The following BORA variants were observed in gnomAD, a reference collection of about 807,000 sequenced individuals.
The protein encoded by BORA is BORA aurora kinase A activator.
BORA carries 26 observed loss-of-function variants against 55.8 expected under a neutral mutation model. The observed-to-expected ratio is 0.47, with a 90% confidence interval of 0.34 to 0.65. The LOEUF (loss-of-function observed/expected upper bound fraction) is 0.65. Among genes scored for constraint, BORA ranks in the 30% least tolerant of loss-of-function variants. BORA has a pLI of 0.01. For synonymous variants in BORA, 201 were observed against 216.9 expected, an observed-to-expected ratio of 0.93 and a Z score of 0.64; for missense variants, 568 against 671.5, an observed-to-expected ratio of 0.85 and a Z score of 1.70.
Position 72,738,137 on chromosome 13 carries a change from A to G in BORA, c.388+94A>G, listed in dbSNP as rs145646233. On this transcript the variant is annotated intron_variant, in intron 5 of 11. Coordinates refer to ENST00000390667, the MANE Select transcript of BORA (RefSeq NM_024808.5). ...AGTGCCAGTATATCTGCTTTGTAAG[A>G]AGCTTGCTTTAAAATTCTGGATAAC... is the stretch of plus-strand genomic sequence containing the variant. The G allele has an allele frequency of 2.4e-5, 18 of 750,560 alleles. No homozygotes were observed. The African/African-American group carries it at 3.1e-4, about 13-fold the overall frequency. The allele number at this position is 750,560 out of a possible 1,614,324, so 46.5% of individuals were successfully genotyped here.
At chr13:72,745,916 A>G (rs752791168) in intron 8 of BORA, 28 bp from the exon 9 acceptor site, 1 of 1,586,556 alleles carries the variant, frequency 6.3e-7, no homozygotes, top group Non-Finnish European at 8.6e-7. Context: ...AACCATATAC[A>G]TTTATTTACT....
At chr13:72,731,570 G>T (rs1195718240) in intron 3 of BORA, among the ~76,000 whole-genome samples, 183 bp downstream of exon 3, 1 of 152,200 alleles carries the variant, frequency 6.6e-6, no homozygotes, top group Non-Finnish European at 1.5e-5. Flanking sequence ...CTTGCCAACA[G>T]TTCCAGACCT....
rs374760886 is a variant in BORA at position 72,744,493 on chromosome 13, G to T, written c.455-12G>T. The T allele has an allele frequency of 1.4e-4, 227 of 1,606,512 alleles. No homozygotes were observed. Among genetic ancestry groups the T allele is most frequent in the Non-Finnish European group, 1.9e-4 (219 of 1,174,986 alleles). Reference sequence around the variant, plus strand: ...CATGTTTGAATTTGTTTATTTATTTGCTTGTTTCCAGCTGCTTGTCAGACA... The same window carrying T: ...CATGTTTGAATTTGTTTATTTATTTTCTTGTTTCCAGCTGCTTGTCAGACA... On this transcript the variant is annotated splice_polypyrimidine_tract_variant and intron_variant, in intron 6 of 11. Coordinates refer to ENST00000390667, the MANE Select transcript of BORA (RefSeq NM_024808.5).
intron 2 of BORA, among the ~76,000 whole-genome samples, chr13:72,729,992 A>G (rs546895824): frequency 6.6e-6 from 1 of 151,430 alleles, no homozygotes; most frequent in African/African-American, 2.4e-5. Context: ...ATGGGATTTC[A>G]CCATGTTGGC....
intron 2 of BORA, 131 bp downstream of exon 2, chr13:72,729,224 C>A: frequency 1.3e-6 from 1 of 766,660 alleles, no homozygotes; most frequent in Non-Finnish European, 1.9e-6. Flanking sequence ...CTGCAATATA[C>A]TTTTTTAAAT....
chr13:72,742,767 T>TACACACAC (rs67866253), intron 5 of BORA, among the ~76,000 whole-genome samples: 1 of 141,654 alleles, frequency 7.1e-6, no homozygotes, highest in African/African-American at 2.6e-5. Context: ...TATATATATA[T>TACACACAC]ACACACACAC....
At position 72,750,972 on chromosome 13, in the gene BORA, C is replaced by T. The variant is rs113847528; in HGVS notation, c.1483-2718C>T. 7.9e-3 allele frequency among the ~76,000 whole-genome samples: 1,209 copies of T among 152,256 alleles called. 18 individuals carry two copies. Among genetic ancestry groups the T allele is most frequent in the African/African-American group, 0.027 (1,104 of 41,528 alleles). ...GAGGCGCGAGCATGGCATTAAAGAA[C>T]ATGGGCTTGGGAAACCGTAATGGCA... On this transcript the variant is annotated intron_variant, in intron 10 of 11. Transcript: ENST00000390667.
intron 11 of BORA, 96 bp downstream of exon 11, chr13:72,753,917 GA>G: frequency 1.6e-6 from 2 of 1,241,382 alleles, no homozygotes; most frequent in Non-Finnish European, 2.2e-6. Flanking sequence ...GAAACTATAT[GA>G]AATTTAAAAC....
chr13:72,747,043 A>G lies in BORA; in HGVS notation c.1414A>G (p.Asn472Asp). ...FVSGIAFSIE[N>D]SHMCMSPLAE... ...AAGTGGCATTGCCTTCAGTATTGAA[A>G]ACTCTCATATGTGCATGTCACCTCT... Residue 472 changes from asparagine to aspartate, a missense_variant, in exon 10 of 12, where the codon AAC becomes GAC. Coordinates refer to ENST00000390667, the MANE Select transcript of BORA (RefSeq NM_024808.5). The G allele has an allele frequency of 6.2e-7, 1 of 1,614,086 alleles. No homozygotes were observed. The highest frequency in any genetic ancestry group is 1.7e-5 in the Admixed American group (1 of 60,016).
intron 6 of BORA, among the ~76,000 whole-genome samples, chr13:72,744,041 T>G (rs2033091501): frequency 6.6e-6 from 1 of 152,172 alleles, no homozygotes; most frequent in Non-Finnish European, 1.5e-5. Context: ...CTGGCCTGTT[T>G]GGATTTTTTC....
At chr13:72,738,219 T>A (rs1007219584) in intron 5 of BORA, among the ~76,000 whole-genome samples, 176 bp downstream of exon 5, 2 of 152,040 alleles carry the variant, frequency 1.3e-5, no homozygotes, top group South Asian at 2.1e-4. Flanking sequence ...ATTTATTGAA[T>A]TGTTTTTTAG....
chr13:72,732,578 G>A (rs1052152690), intron 3 of BORA, among the ~76,000 whole-genome samples: 3 of 152,134 alleles, frequency 2.0e-5, no homozygotes, highest in Non-Finnish European at 2.9e-5. Context: ...TCGGGAGGCC[G>A]AGACAGGAGA....
At position 72,755,536 on chromosome 13, in the gene BORA, T is replaced by C. The variant is rs1008902781; in HGVS notation, c.*320T>C. 2.0e-5 allele frequency: 7 copies of C among 351,392 alleles called. No homozygotes were observed. In the South Asian group the frequency reaches 3.7e-4, roughly 19 times the overall value. 21.8% of individuals were successfully genotyped at this position (351,392 alleles called of 1,614,324 possible). ...CAATGAACTACTTATTAAGCCTTACTGGTAGCACTGAATTTAGCAGTTCTG... is the reference window on the plus strand; with the variant it reads ...CAATGAACTACTTATTAAGCCTTACCGGTAGCACTGAATTTAGCAGTTCTG... On this transcript the variant is annotated 3_prime_UTR_variant, in exon 12 of 12. Coordinates refer to ENST00000390667, the MANE Select transcript of BORA (RefSeq NM_024808.5).
chr13:72,745,084 C>T lies in BORA; in HGVS notation c.615C>T (p.Ser205=), dbSNP rs369958529. The part of the protein sequence containing the change: ...KLFLDGNGSI[S]DSLPSASPGS... ...TTTTAGATGGGAACGGAAGCATCTC[C>T]GACTCCTTACCTTCGGCTTCTCCCG... Residue 205 remains serine (S), a synonymous_variant, in exon 8 of 12, where the codon TCC becomes TCT. Coordinates refer to ENST00000390667, the MANE Select transcript of BORA (RefSeq NM_024808.5). The T allele has an allele frequency of 1.7e-5, 28 of 1,613,988 alleles. No homozygotes were observed. Among genetic ancestry groups the T allele is most frequent in the Admixed American group, 8.3e-5 (5 of 59,994 alleles).
chr13:72,746,374 T>C, intron 9 of BORA, 127 bp from the exon 10 acceptor site: 3 of 1,157,320 alleles, frequency 2.6e-6, no homozygotes, highest in Admixed American at 5.2e-5. Context: ...CAATTTCACT[T>C]TGGTAAACAA....
At chr13:72,730,291 A>C (rs2032784318) in intron 2 of BORA, among the ~76,000 whole-genome samples, 1 of 152,100 alleles carries the variant, frequency 6.6e-6, no homozygotes, top group Non-Finnish European at 1.5e-5. Context: ...CATCAATCTG[A>C]CCTTATGATT....
intron 3 of BORA, 92 bp downstream of exon 3, chr13:72,731,479 G>T: frequency 2.1e-6 from 2 of 960,690 alleles, no homozygotes; most frequent in South Asian, 1.5e-5. Context: ...TCTATGTAAA[G>T]GTATCAGGGA....
intron 2 of BORA, 42 bp downstream of exon 2, chr13:72,729,135 T>C (rs771584468): frequency 7.2e-7 from 1 of 1,397,100 alleles, no homozygotes; most frequent in South Asian, 1.5e-5. Context: ...ATTTTAAATG[T>C]AAGTAATTAC....
chr13:72,728,222 C>T, intron 1 of BORA: 1 of 730,954 alleles, frequency 1.4e-6, no homozygotes. Context: ...GCATCTCAAC[C>T]TTCCAGAAGT....
Sources: allele counts gnomAD v4.1 joint callset (sites outside exome capture counted in the v4.1 genomes callset), GRCh38; gene constraint gnomAD v4.1.1; transcripts MANE v1.5; gene names NCBI Gene and HGNC (gene_info 2026-07-23, HGNC 2026-07-21).